FANCD2: variants seen among roughly 807,000 people sequenced by gnomAD.
FANCD2 encodes the protein Fanconi anemia group D2 protein.
In FANCD2, 131 loss-of-function variants were observed where a neutral mutation model predicts 192.3. The ratio of observed to expected loss-of-function variants is 0.68; its 90% CI spans 0.59 to 0.79. FANCD2 has a LOEUF of 0.79. FANCD2 is among the 30% of genes least tolerant of loss of function. FANCD2 has a pLI of 0.00. For missense variants in FANCD2, 1,508 were observed against 1,701.6 expected, an observed-to-expected ratio of 0.89 and a Z score of 2.00; for synonymous variants, 524 against 612.5, an observed-to-expected ratio of 0.86 and a Z score of 2.13.
intron 26 of FANCD2, among the ~76,000 whole-genome samples, chr3:10,069,994 C>T (rs564087277): frequency 4.6e-5 from 7 of 150,542 alleles, no homozygotes; most frequent in Non-Finnish European, 7.4e-5. Flanking sequence ...TCTGCCCGGC[C>T]GCCATCCCAT....
intron 1 of FANCD2, among the ~76,000 whole-genome samples, chr3:10,027,085 A>C (rs2086471213): frequency 6.6e-6 from 1 of 152,232 alleles, no homozygotes; most frequent in African/African-American, 2.4e-5. Context: ...CACTTGAAAC[A>C]GTTCTTGTTA....
intron 37 of FANCD2, among the ~76,000 whole-genome samples, chr3:10,091,398 G>T (rs1694601114): frequency 6.7e-6 from 1 of 149,662 alleles, no homozygotes; most frequent in Non-Finnish European, 1.5e-5. Flanking sequence ...GTGCAGCCCA[G>T]AAGGCAAAGG....
intron 14 of FANCD2, chr3:10,045,601 CTTT>C (rs545828464): frequency 4.7e-5 from 6 of 127,466 alleles, no homozygotes; most frequent in Non-Finnish European, 6.6e-5. Context: ...AGTAATTTTC[CTTT>C]TTTTTTTTTT....
intron 30 of FANCD2, among the ~76,000 whole-genome samples, chr3:10,078,501 C>T (rs1401160919): frequency 1.3e-5 from 2 of 152,008 alleles, no homozygotes; most frequent in Non-Finnish European, 2.9e-5. Context: ...ACTACAGGTG[C>T]CTGCCACCAC....
chr3:10,039,306 T>C lies in FANCD2; in HGVS notation c.519T>C (p.Pro173=). ...ENKNSDEINI[P]RLIVSQLKWL... is the part of the protein sequence containing the mutation. ...AGAACAGTGATGAAATCAACATACC[T>C]CGACTCATTGTCAGTCAACTAAAAT... Residue 173 remains proline, a synonymous_variant, in exon 8 of 44, where the codon CCT becomes CCC. Transcript: ENST00000675286. The C allele has an allele frequency of 6.2e-7, 1 of 1,613,918 alleles. No homozygotes were observed. The highest frequency in any genetic ancestry group is 8.5e-7 in the Non-Finnish European group (1 of 1,179,818).
chr3:10,091,134 G>A (rs1003619264), intron 37 of FANCD2, among the ~76,000 whole-genome samples: 5 of 150,018 alleles, frequency 3.3e-5, no homozygotes, highest in African/African-American at 1.2e-4. Context: ...AGGTTGGAGT[G>A]TAGTGGTGCA....
At chr3:10,035,576 A>G (rs1011976392) in intron 6 of FANCD2, among the ~76,000 whole-genome samples, 1 of 152,056 alleles carries the variant, frequency 6.6e-6, no homozygotes, top group Non-Finnish European at 1.5e-5. Context: ...ATGTAACTTA[A>G]TTTTGTCCTT....
chr3:10,088,664 AAATG>A, intron 35 of FANCD2, 122 bp downstream of exon 35: 3 of 1,087,996 alleles, frequency 2.8e-6, no homozygotes, highest in Non-Finnish European at 4.2e-6. Context: ...AGTAGGTTAA[AAATG>A]AACACAATTT....
intron 18 of FANCD2, among the ~76,000 whole-genome samples, chr3:10,056,257 A>C (rs1343375390): frequency 6.6e-6 from 1 of 152,308 alleles, no homozygotes; most frequent in South Asian, 2.1e-4. Flanking sequence ...CCTTTTGGCC[A>C]TTTGAATAAT....
chr3:10,054,410 CGT>C (rs1491397745), intron 18 of FANCD2, among the ~76,000 whole-genome samples: 66 of 71,336 alleles, frequency 9.3e-4, no homozygotes, highest in African/African-American at 2.4e-3. Flanking sequence ...TATGTATATA[CGT>C]ATATACATAT....
intron 12 of FANCD2, 30 bp downstream of exon 12, chr3:10,043,180 A>C (rs753405102): frequency 4.2e-5 from 66 of 1,563,146 alleles, no homozygotes; most frequent in Non-Finnish European, 5.4e-5. Flanking sequence ...ACAGGATGTC[A>C]CAATTTTCTG....
intron 22 of FANCD2, 92 bp from the exon 23 acceptor site, chr3:10,064,637 T>A: frequency 1.5e-6 from 2 of 1,351,618 alleles, no homozygotes; most frequent in Middle Eastern, 2.1e-4. Flanking sequence ...CTCCCCATGA[T>A]GTTGTGTTTG....
At chr3:10,084,738 C>CAGGAAGATGCTTCTAGAGGAGA (rs1694076638) in intron 32 of FANCD2, among the ~76,000 whole-genome samples, 1 of 152,164 alleles carries the variant, frequency 6.6e-6, no homozygotes, top group Non-Finnish European at 1.5e-5. Context: ...CACTGGTGAT[C>CAGGAAGATGCTTCTAGAGGAGA]AGGAAGATGC....
At chr3:10,088,700 C>T (rs937744739) in intron 35 of FANCD2, 128 bp from the exon 36 acceptor site, 29 of 1,154,826 alleles carry the variant, frequency 2.5e-5, no homozygotes, top group Non-Finnish European at 3.0e-5. Context: ...ATCTTAAGAT[C>T]CTCTGGTTCT....
chr3:10,034,345 A>AAAT, intron 3 of FANCD2, 124 bp from the exon 4 acceptor site: 1 of 707,580 alleles, frequency 1.4e-6, no homozygotes, highest in Non-Finnish European at 2.5e-6. Context: ...AAAAAAAAAA[A>AAAT]GATTTGTCTC....
At chr3:10,067,423 G>C (rs2087751893) in intron 26 of FANCD2, 106 bp downstream of exon 26, 1 of 716,258 alleles carries the variant, frequency 1.4e-6, no homozygotes, top group South Asian at 1.6e-5. Flanking sequence ...ATCAAAAAAA[G>C]AAATCTCAGG....
Position 10,081,146 on chromosome 3 carries a change from CT to C in FANCD2, c.3024del (p.Ala1009ProfsTer12). 6.2e-7 allele frequency: 1 copy of C among 1,614,094 alleles called. No individual in the cohort carries two copies. The highest frequency in any genetic ancestry group is 8.5e-7 in the Non-Finnish European group (1 of 1,179,944). On this transcript the variant is annotated frameshift_variant, in exon 31 of 44. Coordinates refer to ENST00000675286, the MANE Select transcript of FANCD2 (RefSeq NM_001018115.3). LOFTEE classifies it high-confidence loss of function. ...NIGFSHLQQR[S>X]AQEIVHCVFQ... ...GGATTCTCACATCTCCAACAGAGAT[CT>C]GCCCAAGAAATTGTTCATTGTGTTT...
chr3:10,079,822 A>C (rs1302995675), intron 30 of FANCD2, among the ~76,000 whole-genome samples: 1 of 152,246 alleles, frequency 6.6e-6, no homozygotes, highest in African/African-American at 2.4e-5. Flanking sequence ...TGGACGGTAC[A>C]TATAACAAAA....
intron 39 of FANCD2, 29 bp from the exon 40 acceptor site, chr3:10,094,260 A>C (rs1393183469): frequency 3.2e-6 from 5 of 1,547,794 alleles, no homozygotes; most frequent in Non-Finnish European, 4.5e-6. Flanking sequence ...TACCTCAGCT[A>C]GAGGTAACAG....
Sources: allele counts gnomAD v4.1 joint callset (sites outside exome capture counted in the v4.1 genomes callset), GRCh38; gene constraint gnomAD v4.1.1; transcripts MANE v1.5; gene names NCBI Gene and HGNC (gene_info 2026-07-23, HGNC 2026-07-21).